PDE8A: variants seen among roughly 807,000 people sequenced by gnomAD.
PDE8A encodes phosphodiesterase 8A, also known as high affinity cAMP-specific and IBMX-insensitive 3',5'-cyclic phosphodiesterase 8A.
In PDE8A, 59 loss-of-function variants were observed where a neutral mutation model predicts 105.0. The observed-to-expected ratio is 0.56, with a 90% CI of 0.46 to 0.70. The LOEUF (loss-of-function observed/expected upper bound fraction) is 0.70. Among genes scored for constraint, PDE8A ranks in the 30% least tolerant of loss-of-function variants. The pLI, the probability that PDE8A is intolerant of heterozygous loss-of-function variation, is 0.00. For synonymous variants in PDE8A, 355 were observed against 371.9 expected, an observed-to-expected ratio of 0.95 and a Z score of 0.52; for missense variants, 1,014 against 1,045.9, an observed-to-expected ratio of 0.97 and a Z score of 0.42.
chr15:85,025,736 A>G (rs1294528349), intron 1 of PDE8A, among the ~76,000 whole-genome samples: 1 of 152,184 alleles, frequency 6.6e-6, no homozygotes, highest in Admixed American at 6.5e-5. Context: ...TAGACCAAAA[A>G]GTCTTTGTAA....
At chr15:85,101,146 C>T (rs1304313008) in intron 11 of PDE8A, among the ~76,000 whole-genome samples, 2 of 152,166 alleles carry the variant, frequency 1.3e-5, no homozygotes, top group South Asian at 2.1e-4. Flanking sequence ...GTAATCTGCC[C>T]AAGGATCTCC....
chr15:85,033,215 A>G lies in PDE8A; in HGVS notation c.187-31155A>G, dbSNP rs570247067. Reference sequence around the variant, plus strand: ...AGAGACATTTTCCAACGTAAGGGACACACCCTGGGATTCAAAACCAAATGC... The same window carrying G: ...AGAGACATTTTCCAACGTAAGGGACGCACCCTGGGATTCAAAACCAAATGC... On this transcript the variant is annotated intron_variant, in intron 1 of 21. Coordinates refer to ENST00000394553, the MANE Select transcript of PDE8A (RefSeq NM_002605.3). Among the ~76,000 whole-genome samples the G allele has an allele frequency of 7.2e-5, 11 of 152,318 alleles. No individual in the cohort carries two copies. The South Asian group carries it at 2.3e-3, about 32-fold the overall frequency.
At chr15:85,098,973 AT>A (rs200165266) in intron 9 of PDE8A, among the ~76,000 whole-genome samples, 129 of 151,488 alleles carry the variant, frequency 8.5e-4, no homozygotes, top group East Asian at 1.4e-3. Context: ...AAAAAAAAAA[AT>A]AAAATATGAG....
At chr15:85,071,078 A>T (rs2081303202) in intron 3 of PDE8A, among the ~76,000 whole-genome samples, 1 of 152,252 alleles carries the variant, frequency 6.6e-6, no homozygotes. Flanking sequence ...ATGATAGGTC[A>T]GAAGCTGAGA....
intron 11 of PDE8A, among the ~76,000 whole-genome samples, chr15:85,105,262 T>C (rs923421237): frequency 2.6e-5 from 4 of 152,006 alleles, no homozygotes; most frequent in Non-Finnish European, 5.9e-5. Flanking sequence ...TGAGCTTTCT[T>C]GGGAGGAAGA....
chr15:85,043,684 G>T (rs1232359751), intron 1 of PDE8A, among the ~76,000 whole-genome samples: 1 of 30,128 alleles, frequency 3.3e-5, no homozygotes, highest in Admixed American at 3.4e-4. Flanking sequence ...ATGGTTTTTT[G>T]TTTGTTTGTT....
At chr15:85,068,527 A>G (rs1304037141) in intron 3 of PDE8A, among the ~76,000 whole-genome samples, 6 of 152,182 alleles carry the variant, frequency 3.9e-5, no homozygotes, top group Non-Finnish European at 7.3e-5. Flanking sequence ...GTTTTAGCTC[A>G]GCTGTAAATT....
chr15:85,099,300 G>A (rs1350174066), intron 9 of PDE8A, among the ~76,000 whole-genome samples: 2 of 152,340 alleles, frequency 1.3e-5, no homozygotes, highest in East Asian at 1.9e-4. Context: ...AGCGTGAGGC[G>A]CAGCCAGGCT....
At chr15:85,113,814 C>G (rs1258314130) in intron 13 of PDE8A, 59 bp from the exon 14 acceptor site, 4 of 1,336,674 alleles carry the variant, frequency 3.0e-6, no homozygotes, top group Non-Finnish European at 4.2e-6. Flanking sequence ...ACTGCCATGC[C>G]TGGCTCTCCC....
intron 20 of PDE8A, among the ~76,000 whole-genome samples, chr15:85,126,790 A>C (rs1420400815): frequency 1.3e-5 from 2 of 152,150 alleles, no homozygotes; most frequent in African/African-American, 4.8e-5. Flanking sequence ...ACCTTAGCCC[A>C]TGTCAGATGT....
At chr15:85,047,348 C>T (rs2080902685) in intron 1 of PDE8A, among the ~76,000 whole-genome samples, 2 of 152,172 alleles carry the variant, frequency 1.3e-5, no homozygotes, top group African/African-American at 2.4e-5. Flanking sequence ...CCACTGCTGA[C>T]GTCTGCTCAC....
chr15:84,982,416 A>C, intron 1 of PDE8A, 68 bp downstream of exon 1: 4 of 1,104,424 alleles, frequency 3.6e-6, no homozygotes, highest in Non-Finnish European at 4.7e-6. Context: ...ACTTTCCCGC[A>C]GGGGCCGGGC....
chr15:85,134,593 C>T (rs963733247), intron 20 of PDE8A, among the ~76,000 whole-genome samples: 2 of 152,220 alleles, frequency 1.3e-5, no homozygotes, highest in Admixed American at 6.5e-5. Flanking sequence ...ACCAGAACAG[C>T]AGGAACTCTT....
At position 85,042,421 on chromosome 15, in the gene PDE8A, A is replaced by G. The variant is rs138009262; in HGVS notation, c.187-21949A>G. Among the ~76,000 whole-genome samples the G allele has an allele frequency of 2.0e-5, 3 of 152,228 alleles. No individual in the cohort carries two copies. The East Asian group carries it at 5.8e-4, about 29-fold the overall frequency. ...TGATGCTCCTGCCTCAGCCTCTCAAAGTGTTGAGATTACAAGCATGAGCCA... is the reference window on the plus strand; with the variant it reads ...TGATGCTCCTGCCTCAGCCTCTCAAGGTGTTGAGATTACAAGCATGAGCCA... On this transcript the variant is annotated intron_variant, in intron 1 of 21. Transcript: ENST00000394553.
chr15:85,060,226 A>G (rs1299207339), intron 1 of PDE8A, among the ~76,000 whole-genome samples: 1 of 152,154 alleles, frequency 6.6e-6, no homozygotes, highest in Non-Finnish European at 1.5e-5. Context: ...CATGGGGATT[A>G]TAGTTAACAT....
intron 11 of PDE8A, among the ~76,000 whole-genome samples, chr15:85,103,882 T>C (rs2081906057): frequency 6.6e-6 from 1 of 152,208 alleles, no homozygotes; most frequent in African/African-American, 2.4e-5. Flanking sequence ...AAGGAAGCAC[T>C]CATTTGTCTG....
intron 1 of PDE8A, among the ~76,000 whole-genome samples, chr15:85,011,967 T>G (rs1375961467): frequency 6.6e-6 from 1 of 152,184 alleles, no homozygotes; most frequent in African/African-American, 2.4e-5. Flanking sequence ...TCACTGGCCA[T>G]CAGAGAAATG....
Position 85,125,686 on chromosome 15 carries a change from C to A in PDE8A, c.2086-521C>A, listed in dbSNP as rs2082247963. Among the ~76,000 whole-genome samples, 3 of 152,156 alleles carry A rather than the reference C, an allele frequency of 2.0e-5. No individual in the cohort carries two copies. In the South Asian group the frequency reaches 6.2e-4, roughly 32 times the overall value. ...AATGACTGTTAAGTCCTTTATCCAT[C>A]AAATATGTTAGGTGTTATCTTGGGA... On this transcript the variant is annotated intron_variant, in intron 19 of 21. Transcript: ENST00000394553.
chr15:85,093,120 G>A, intron 8 of PDE8A, among the ~76,000 whole-genome samples: 1 of 152,102 alleles, frequency 6.6e-6, no homozygotes. Context: ...GTCCAGGTTG[G>A]TCTCGAACTC....
Sources: allele counts gnomAD v4.1 joint callset (sites outside exome capture counted in the v4.1 genomes callset), GRCh38; gene constraint gnomAD v4.1.1; transcripts MANE v1.5; gene names NCBI Gene and HGNC (gene_info 2026-07-23, HGNC 2026-07-21).